Variants in ZNF354A observed in about 807,000 individuals in gnomAD.
ZNF354A encodes zinc finger protein 354A.
Under a neutral mutation model 53.3 loss-of-function variants are expected in ZNF354A, and 25 were observed. The observed-to-expected ratio is 0.47, with a 90% CI of 0.34 to 0.66. ZNF354A has a LOEUF of 0.66. Among genes scored for constraint, ZNF354A ranks in the 30% least tolerant of loss-of-function variants. The pLI is 0.01. For missense variants in ZNF354A, 586 were observed against 716.8 expected, an observed-to-expected ratio of 0.82 and a Z score of 2.08; for synonymous variants, 228 against 249.0, an observed-to-expected ratio of 0.92 and a Z score of 0.79.
chr5:178,727,247 A>C (rs1022996042), intron 2 of ZNF354A, 122 bp from the exon 3 acceptor site: 1 of 1,190,584 alleles, frequency 8.4e-7, no homozygotes, highest in African/African-American at 1.5e-5. Context: ...TGAAGGTTCC[A>C]GATCATTCGT....
intron 1 of ZNF354A, 80 bp downstream of exon 1, chr5:178,730,476 C>G (rs1766013780): frequency 6.6e-6 from 1 of 152,182 alleles, no homozygotes; most frequent in African/African-American, 2.4e-5. Flanking sequence ...CCCACAAAGG[C>G]TTTCGGAGCC....
chr5:178,713,560 T>G lies in ZNF354A; in HGVS notation c.318A>C (p.Gly106=). The stretch of plus-strand genomic sequence containing the variant: ...TCCTGTTGGATCTTTTCAGTATCAG[T>G]CCCTGAAATGAAGAGTCTTGTGTTT... ...STQTQDSSFQ[G]LILKRSNRNV... Residue 106 remains glycine, a synonymous_variant, in exon 5 of 5, where the codon GGA becomes GGC. Transcript: ENST00000335815. 6.2e-7 allele frequency: 1 copy of G among 1,606,132 alleles called. No individual in the cohort carries two copies. Among genetic ancestry groups the G allele is most frequent in the Non-Finnish European group, 8.5e-7 (1 of 1,178,400 alleles).
rs199845118 is a variant in ZNF354A, at chr5:178,713,980, T to G, written c.257-359A>C. Among the ~76,000 whole-genome samples the G allele has an allele frequency of 3.3e-4, 46 of 140,304 alleles. No individual in the cohort carries two copies. In the East Asian group the frequency reaches 5.0e-3, roughly 15 times the overall value. The allele number at this position is 140,304 out of a possible 152,430, so 92.0% of individuals were successfully genotyped here. On this transcript the variant is annotated intron_variant, in intron 4 of 4. Transcript: ENST00000335815. ...AACCCATGATGGAATCCTAATTTTTTTTTGTTTTTTTTTTTTGACATTTAT... is the reference window on the plus strand; with the variant it reads ...AACCCATGATGGAATCCTAATTTTTGTTTGTTTTTTTTTTTTGACATTTAT...
chr5:178,728,462 CAA>C (rs1015531702), intron 2 of ZNF354A, among the ~76,000 whole-genome samples: 224 of 151,706 alleles, frequency 1.5e-3, no homozygotes, highest in African/African-American at 5.1e-3. Flanking sequence ...CATGCATACA[CAA>C]ACACACACAC....
At chr5:178,729,819 T>C (rs1473831248) in intron 1 of ZNF354A, among the ~76,000 whole-genome samples, 1 of 151,396 alleles carries the variant, frequency 6.6e-6, no homozygotes, top group Non-Finnish European at 1.5e-5. Flanking sequence ...AAATCTAGGA[T>C]TACAGGCGTG....
At chr5:178,726,287 C>A (rs1249064701) in intron 3 of ZNF354A, 1 of 442,054 alleles carries the variant, frequency 2.3e-6, no homozygotes, top group African/African-American at 2.0e-5. Context: ...ATTACGCAGC[C>A]CACAAAGCCT....
At chr5:178,716,708 G>A (rs904765270) in intron 4 of ZNF354A, among the ~76,000 whole-genome samples, 14 of 152,186 alleles carry the variant, frequency 9.2e-5, no homozygotes, top group African/African-American at 3.4e-4. Flanking sequence ...ACACACAAAA[G>A]TGAGGCTGAC....
rs545495748 is a variant in ZNF354A, at chr5:178,718,079, C to T, written c.257-4458G>A. On this transcript the variant is annotated intron_variant, in intron 4 of 4. Transcript: ENST00000335815. ...TTTTATTTTTTAATGGATATGATTACGACTCGGAAGTCCATTATCAATTCT... is the reference window on the plus strand; with the variant it reads ...TTTTATTTTTTAATGGATATGATTATGACTCGGAAGTCCATTATCAATTCT... 1.5e-4 allele frequency among the ~76,000 whole-genome samples: 23 copies of T among 152,222 alleles called. 1 individual carries two copies. In the South Asian group the frequency reaches 3.3e-3, roughly 22 times the overall value.
In ZNF354A at chr5:178,726,094, G is replaced by A. The variant is rs551133824; in HGVS notation, c.161-623C>T. ...TCTGACCTTGTGATCTGCCCGCCTC[G>A]GCCTCCCAAAGTGCTGGGATTACAG... is the stretch of plus-strand genomic sequence containing the variant. On this transcript the variant is annotated intron_variant, in intron 3 of 4. Coordinates refer to ENST00000335815, the MANE Select transcript of ZNF354A (RefSeq NM_005649.3). 7.2e-4 allele frequency: 314 copies of A among 438,718 alleles called. 2 individuals carry two copies. Among genetic ancestry groups the A allele is most frequent in the Non-Finnish European group, 1.1e-3 (239 of 214,274 alleles). The allele number at this position is 438,718 out of a possible 1,614,324, so 27.2% of individuals were successfully genotyped here. A position where few individuals can be genotyped will look rare whatever the true frequency, so the allele number is the denominator to read the frequency against.
At chr5:178,727,878 T>G (rs984175801) in intron 2 of ZNF354A, among the ~76,000 whole-genome samples, 3 of 152,138 alleles carry the variant, frequency 2.0e-5, no homozygotes, top group African/African-American at 7.2e-5. Flanking sequence ...GAGACAGAGT[T>G]TGGCTCTTGT....
At chr5:178,727,215 CT>C in intron 2 of ZNF354A, 90 bp from the exon 3 acceptor site, 1 of 1,363,736 alleles carries the variant, frequency 7.3e-7, no homozygotes, top group Non-Finnish European at 9.9e-7. Context: ...CCGTGAAACA[CT>C]TCCCATACTA....
chr5:178,722,039 CA>C (rs1272222060), intron 4 of ZNF354A, among the ~76,000 whole-genome samples: 3 of 152,182 alleles, frequency 2.0e-5, no homozygotes, highest in Non-Finnish European at 4.4e-5. Flanking sequence ...GCTACCATTC[CA>C]TCATGAGCCT....
intron 4 of ZNF354A, among the ~76,000 whole-genome samples, chr5:178,724,701 T>C (rs993678414): frequency 6.6e-6 from 1 of 152,224 alleles, no homozygotes; most frequent in African/African-American, 2.4e-5. Flanking sequence ...TGTCATCAGC[T>C]AAGGTGTGTC....
rs79608823 is a variant in ZNF354A at position 178,719,387 on chromosome 5, G to A, written c.257-5766C>T. ...ATAAGCTAGAAATGGACGTGAACAC[G>A]AGCTTAGAATCATATCCAACTGTCC... On this transcript the variant is annotated intron_variant, in intron 4 of 4. Coordinates refer to ENST00000335815, the MANE Select transcript of ZNF354A (RefSeq NM_005649.3). 1.8e-3 allele frequency among the ~76,000 whole-genome samples: 272 copies of A among 152,284 alleles called. 1 individual carries two copies. The highest frequency in any genetic ancestry group is 6.2e-3 in the African/African-American group (257 of 41,556).
intron 1 of ZNF354A, among the ~76,000 whole-genome samples, chr5:178,729,556 C>CTT (rs113489869): frequency 0.24 from 34,830 of 146,424 alleles, 4,766 homozygotes; most frequent in South Asian, 0.34. Flanking sequence ...CGGAAAACGG[C>CTT]TTTTTTTTTT....
At chr5:178,718,352 A>C (rs1765752990) in intron 4 of ZNF354A, among the ~76,000 whole-genome samples, 1 of 152,198 alleles carries the variant, frequency 6.6e-6, no homozygotes, top group South Asian at 2.1e-4. Flanking sequence ...GAGAAGCCAG[A>C]ATCATCTTGC....
intron 4 of ZNF354A, among the ~76,000 whole-genome samples, chr5:178,722,921 G>A (rs1256772926): frequency 6.6e-6 from 1 of 152,208 alleles, no homozygotes. Context: ...AAGGAAGTGA[G>A]CGAGCCACAT....
intron 1 of ZNF354A, among the ~76,000 whole-genome samples, chr5:178,730,143 G>A (rs1054409365): frequency 6.6e-6 from 1 of 152,202 alleles, no homozygotes; most frequent in Non-Finnish European, 1.5e-5. Context: ...GGGATTACAG[G>A]CGTGAGCCAC....
intron 4 of ZNF354A, among the ~76,000 whole-genome samples, chr5:178,719,910 G>A (rs926641920): frequency 8.0e-5 from 12 of 150,232 alleles, no homozygotes; most frequent in Non-Finnish European, 1.8e-4. Flanking sequence ...TCCCGCCACC[G>A]CACTCCAGCC....
Sources: allele counts gnomAD v4.1 joint callset (sites outside exome capture counted in the v4.1 genomes callset), GRCh38; gene constraint gnomAD v4.1.1; transcripts MANE v1.5; gene names NCBI Gene and HGNC (gene_info 2026-07-23, HGNC 2026-07-21).